Variants in ZNF331 observed in about 807,000 individuals in gnomAD.
ZNF331 encodes the protein C2H2-like zinc finger protein rearranged in thyroid adenomas.
A neutral mutation model predicts 7.0 loss-of-function variants in ZNF331; 2 were observed. The ratio of observed to expected loss-of-function variants is 0.29; its 90% CI spans 0.12 to 0.90. The LOEUF (loss-of-function observed/expected upper bound fraction) is 0.90. Ranked by LOEUF, ZNF331 falls within the 40% of genes least tolerant of loss-of-function variation. The pLI, the probability that ZNF331 is intolerant of heterozygous loss-of-function variation, is 0.58. For missense variants in ZNF331, 432 were observed against 587.7 expected, an observed-to-expected ratio of 0.74 and a Z score of 2.74; for synonymous variants, 196 against 205.4, an observed-to-expected ratio of 0.95 and a Z score of 0.39.
In ZNF331 at chr19:53,574,617, G is replaced by A. The variant is rs534438060; in HGVS notation, c.137-2080G>A. ...TGGGTTAGCCTCGCTTTAAGTGCCC[G>A]TTTTCTTTTTCTCATATCTAGGTGT... is the stretch of plus-strand genomic sequence containing the variant. On this transcript the variant is annotated intron_variant, in intron 5 of 5. Transcript: ENST00000449416. Among the ~76,000 whole-genome samples, 10 of 152,178 alleles carry A rather than the reference G, an allele frequency of 6.6e-5. No homozygotes were observed. The South Asian group carries it at 8.3e-4, about 13-fold the overall frequency.
intron 2 of ZNF331, among the ~76,000 whole-genome samples, chr19:53,526,494 T>C (rs537196651): frequency 7.2e-5 from 11 of 152,348 alleles, no homozygotes; most frequent in East Asian, 5.8e-4. Flanking sequence ...TGATAGATTA[T>C]ATATTACTAG....
rs2090851486 is a variant in ZNF331, at chr19:53,579,539, A to G, written c.*1587A>G. The G allele has an allele frequency of 9.8e-6, 2 of 203,580 alleles. No homozygotes were observed. Among genetic ancestry groups the G allele is most frequent in the Non-Finnish European group, 2.0e-5 (2 of 99,024 alleles). 12.6% of individuals were successfully genotyped at this position (203,580 alleles called of 1,614,324 possible). A position where few individuals can be genotyped will look rare whatever the true frequency, so the allele number is the denominator to read the frequency against. Reference sequence around the variant, plus strand: ...GAAAGTGTAACTGGAATATTGTGTAATTTTAATAAATAATAACTATTGTTG... The same window carrying G: ...GAAAGTGTAACTGGAATATTGTGTAGTTTTAATAAATAATAACTATTGTTG... On this transcript the variant is annotated 3_prime_UTR_variant, in exon 6 of 6. Coordinates refer to ENST00000449416, the MANE Select transcript of ZNF331 (RefSeq NM_001079906.2).
At chr19:53,564,407 G>A (rs2090059340) in intron 3 of ZNF331, among the ~76,000 whole-genome samples, 1 of 151,918 alleles carries the variant, frequency 6.6e-6, no homozygotes, top group Non-Finnish European at 1.5e-5. Flanking sequence ...AGCCTCCCAA[G>A]AAGCTGGGAT....
the ZNF331 span, among the ~76,000 whole-genome samples, chr19:53,513,283 G>A: frequency 6.6e-6 from 1 of 151,920 alleles, no homozygotes; most frequent in Non-Finnish European, 1.5e-5. Context: ...GCGTGGGAGT[G>A]CAGATAGCTC....
intron 2 of ZNF331, among the ~76,000 whole-genome samples, chr19:53,530,755 A>G (rs1010848144): frequency 6.6e-6 from 1 of 152,224 alleles, no homozygotes; most frequent in Admixed American, 6.5e-5. Flanking sequence ...CTGTGTGTGC[A>G]TGTACATTGG....
exon 1 of ZNF331, chr19:53,521,327 TGTGA>T (rs200737851): frequency 0.12 from 17,497 of 141,256 alleles, 1,116 homozygotes; most frequent in African/African-American, 0.18. Flanking sequence ...TGGGAGTGTG[TGTGA>T]GTGTGTGTGT....
upstream of ZNF331, among the ~76,000 whole-genome samples, chr19:53,534,227 G>A (rs547974718): frequency 2.6e-5 from 4 of 152,102 alleles, no homozygotes; most frequent in Non-Finnish European, 4.4e-5. Flanking sequence ...GGCTCTAGGA[G>A]GCATTCTCTT....
intron 3 of ZNF331, among the ~76,000 whole-genome samples, chr19:53,559,507 C>A (rs1442221299): frequency 2.0e-5 from 3 of 149,670 alleles, no homozygotes; most frequent in Non-Finnish European, 4.4e-5. Flanking sequence ...TATATACACA[C>A]CTACATATAT....
rs1205257105 is a variant in ZNF331 at position 53,564,074 on chromosome 19, C to CTT, written c.-73-5210_-73-5209dup. ...AAAAAAAGAGCACAGAGCCTGCATT[C>CTT]TTTTTTTTTTTTTTTTTTTTTGAGA... On this transcript the variant is annotated intron_variant, in intron 3 of 5. Coordinates refer to ENST00000449416, the MANE Select transcript of ZNF331 (RefSeq NM_001079906.2). Among the ~76,000 whole-genome samples, 40 of 94,678 alleles carry CTT rather than the reference C, an allele frequency of 4.2e-4. 1 individual carries two copies. Among genetic ancestry groups the CTT allele is most frequent in the Middle Eastern group, 0.013 (1 of 80 alleles). The allele number at this position is 94,678 out of a possible 152,430, so 62.1% of individuals were successfully genotyped here.
upstream of ZNF331, among the ~76,000 whole-genome samples, chr19:53,536,993 G>A (rs925346299): frequency 1.3e-5 from 2 of 152,148 alleles, no homozygotes; most frequent in Non-Finnish European, 2.9e-5. Context: ...TCTGGTTGTG[G>A]TATTATATAC....
Position 53,579,741 on chromosome 19 carries a change from A to T in ZNF331, c.*1789A>T, listed in dbSNP as rs2090858312. ...TCTTAGTACACAAAACACAGCAAAC[A>T]TAAAAAGTTGTTACACTTCATCAAA... On this transcript the variant is annotated 3_prime_UTR_variant, in exon 6 of 6. Coordinates refer to ENST00000449416, the MANE Select transcript of ZNF331 (RefSeq NM_001079906.2). 5.1e-6 allele frequency: 1 copy of T among 197,640 alleles called. No individual in the cohort carries two copies. The highest frequency in any genetic ancestry group is 1.0e-5 in the Non-Finnish European group (1 of 95,414). 12.2% of individuals were successfully genotyped at this position (197,640 alleles called of 1,614,324 possible). A position where few individuals can be genotyped will look rare whatever the true frequency, so the allele number is the denominator to read the frequency against.
chr19:53,536,908 C>CA, upstream of ZNF331, among the ~76,000 whole-genome samples: 1 of 152,046 alleles, frequency 6.6e-6, no homozygotes, highest in East Asian at 1.9e-4. Flanking sequence ...CGTCTCAAAA[C>CA]AAACAAACAA....
intron 3 of ZNF331, among the ~76,000 whole-genome samples, chr19:53,568,640 A>G (rs2090280944): frequency 1.3e-5 from 2 of 151,960 alleles, no homozygotes; most frequent in African/African-American, 4.8e-5. Context: ...CAAAGGCCAG[A>G]CTACTTTTTA....
rs2090813424 is a variant in ZNF331, at chr19:53,578,404, A to G, written c.*452A>G. ...CTCAACTTAAAAAAGAAAAGAAAAAAATCATATACTGAGGTTGCTAAGATC... is the reference window on the plus strand; with the variant it reads ...CTCAACTTAAAAAAGAAAAGAAAAAGATCATATACTGAGGTTGCTAAGATC... On this transcript the variant is annotated 3_prime_UTR_variant, in exon 6 of 6. Coordinates refer to ENST00000449416, the MANE Select transcript of ZNF331 (RefSeq NM_001079906.2). 1.3e-5 allele frequency: 3 copies of G among 234,822 alleles called. No homozygotes were observed. Among genetic ancestry groups the G allele is most frequent in the African/African-American group, 6.6e-5 (3 of 45,208 alleles). 14.5% of individuals were successfully genotyped at this position (234,822 alleles called of 1,614,324 possible).
chr19:53,567,206 A>C (rs2090198705), intron 3 of ZNF331, among the ~76,000 whole-genome samples: 1 of 152,174 alleles, frequency 6.6e-6, no homozygotes. Context: ...AAGTGCTCTC[A>C]GATGTCACCT....
At chr19:53,515,152 T>C (rs891802102), upstream of ZNF331, among the ~76,000 whole-genome samples, 1 of 152,192 alleles carries the variant, frequency 6.6e-6, no homozygotes, top group African/African-American at 2.4e-5. Context: ...CCTGCCATTC[T>C]GATTACACTA....
the ZNF331 span, among the ~76,000 whole-genome samples, chr19:53,506,395 T>TAC: frequency 1.0e-5 from 1 of 95,986 alleles, no homozygotes; most frequent in Non-Finnish European, 2.1e-5. Context: ...CCCTACCACA[T>TAC]ACACACTCTC....
chr19:53,541,255 G>A (rs958205386), intron 2 of ZNF331, among the ~76,000 whole-genome samples: 3 of 151,670 alleles, frequency 2.0e-5, no homozygotes, highest in East Asian at 1.9e-4. Context: ...ACAGGCATGC[G>A]CCACCACACC....
chr19:53,554,479 C>G (rs1317971703), intron 2 of ZNF331: 1 of 152,244 alleles, frequency 6.6e-6, no homozygotes, highest in Non-Finnish European at 1.5e-5. Flanking sequence ...CGGGAGGCCC[C>G]TCCCGAGTCC....
Sources: gnomAD v4.1 joint callset for allele counts (sites outside exome capture counted in the v4.1 genomes callset) on GRCh38, gnomAD v4.1.1 for gene constraint, MANE v1.5 for transcripts, NCBI Gene and HGNC (gene_info 2026-07-23, HGNC 2026-07-21) for gene names.